The following HNF1B variants were observed in gnomAD, a reference collection of about 807,000 sequenced individuals.
The protein encoded by HNF1B is hepatocyte nuclear factor 1-beta.
A neutral mutation model predicts 61.7 loss-of-function variants in HNF1B; 8 were observed. The observed-to-expected ratio is 0.13, with a 90% CI of 0.08 to 0.23. The LOEUF (loss-of-function observed/expected upper bound fraction) is 0.23. Among genes scored for constraint, HNF1B ranks in the 10% least tolerant of loss-of-function variants. The probability of loss-of-function intolerance (pLI) is 1.00; values close to 1 mark genes in which losing one functional copy is unlikely to be tolerated. For synonymous variants in HNF1B, 314 were observed against 287.7 expected (o/e 1.09, Z -0.93); for missense variants, 562 against 714.5 (o/e 0.79, Z 2.43).
At position 37,712,885 on chromosome 17, in the gene HNF1B, A is replaced by G. The variant is rs543118751; in HGVS notation, c.1046-2222T>C. 3.3e-5 allele frequency among the ~76,000 whole-genome samples: 5 copies of G among 152,198 alleles called. No homozygotes were observed. The East Asian group carries it at 7.7e-4, about 24-fold the overall frequency. On this transcript the variant is annotated intron_variant, in intron 4 of 8. Coordinates refer to ENST00000617811, the MANE Select transcript of HNF1B (RefSeq NM_000458.4). ...GGGGAGGAAGCTGGTACAGGAATGGACCCCAAGATATTTGCCCTAAGATCC... is the reference window on the plus strand; with the variant it reads ...GGGGAGGAAGCTGGTACAGGAATGGGCCCCAAGATATTTGCCCTAAGATCC...
chr17:37,730,526 A>G (rs569769019), intron 4 of HNF1B: 1 of 152,220 alleles, frequency 6.6e-6, no homozygotes, highest in Non-Finnish European at 1.5e-5. Context: ...GCAGGCATGG[A>G]ACAAATGCTT....
chr17:37,719,374 G>A (rs1002821343), intron 4 of HNF1B, among the ~76,000 whole-genome samples: 4 of 152,154 alleles, frequency 2.6e-5, no homozygotes, highest in Admixed American at 6.5e-5. Context: ...TTGAAGAACC[G>A]AGTTTGGGGG....
chr17:37,695,438 G>C (rs1411762204), intron 8 of HNF1B, among the ~76,000 whole-genome samples: 1 of 152,250 alleles, frequency 6.6e-6, no homozygotes, highest in Non-Finnish European at 1.5e-5. Context: ...CCTCCACTAG[G>C]GCAGTGCTGA....
chr17:37,726,877 A>G (rs1206348312), intron 4 of HNF1B, among the ~76,000 whole-genome samples: 3 of 152,152 alleles, frequency 2.0e-5, no homozygotes, highest in Admixed American at 1.3e-4. Flanking sequence ...TTCCAGGAGA[A>G]TAAGTCCCCC....
At chr17:37,707,716 A>G (rs990668196) in intron 5 of HNF1B, among the ~76,000 whole-genome samples, 1 of 151,966 alleles carries the variant, frequency 6.6e-6, no homozygotes, top group African/African-American at 2.4e-5. Context: ...CCATTAGGAC[A>G]TACTGCTTGA....
At chr17:37,708,208 G>A (rs932066313) in intron 5 of HNF1B, among the ~76,000 whole-genome samples, 9 of 152,158 alleles carry the variant, frequency 5.9e-5, no homozygotes, top group South Asian at 2.1e-4. Flanking sequence ...ACCAAGATCC[G>A]TGATGGACAT....
intron 4 of HNF1B, among the ~76,000 whole-genome samples, chr17:37,716,330 T>C (rs976419351): frequency 2.0e-5 from 3 of 152,004 alleles, no homozygotes; most frequent in Admixed American, 6.6e-5. Context: ...CCTGAGTAGC[T>C]GGAACTACAG....
intron 4 of HNF1B, chr17:37,720,685 T>C: frequency 1.8e-6 from 1 of 568,750 alleles, no homozygotes; most frequent in Non-Finnish European, 2.2e-6. Flanking sequence ...GTGTCTACCA[T>C]GTGCCAGGCA....
chr17:37,742,775 C>G (rs1396538321), intron 1 of HNF1B, among the ~76,000 whole-genome samples: 5 of 151,384 alleles, frequency 3.3e-5, no homozygotes, highest in African/African-American at 1.2e-4. Context: ...TGTCGGCGAC[C>G]CGGGGGCTCC....
In HNF1B at chr17:37,728,158, C is replaced by T. The variant is rs567726770; in HGVS notation, c.1045+3437G>A. Among the ~76,000 whole-genome samples, 316 of 152,120 alleles carry T rather than the reference C, an allele frequency of 2.1e-3. 1 individual carries two copies. Among genetic ancestry groups the T allele is most frequent in the African/African-American group, 7.4e-3 (306 of 41,488 alleles). ...CTGGGATTACAGGCACCTGCCACCA[C>T]GCCCAGCTGATTTTTGTGTTTTTAG... On this transcript the variant is annotated intron_variant, in intron 4 of 8. Transcript: ENST00000617811.
intron 8 of HNF1B, among the ~76,000 whole-genome samples, chr17:37,691,077 A>G (rs1418542175): frequency 1.3e-5 from 2 of 152,220 alleles, no homozygotes; most frequent in Non-Finnish European, 2.9e-5. Flanking sequence ...CAGGAATGGT[A>G]GTATCCCAAA....
intron 8 of HNF1B, among the ~76,000 whole-genome samples, chr17:37,692,865 T>G (rs2032251849): frequency 6.6e-6 from 1 of 152,116 alleles, no homozygotes; most frequent in Non-Finnish European, 1.5e-5. Context: ...CTCCTTTGAC[T>G]GCATGTAGAC....
intron 2 of HNF1B, among the ~76,000 whole-genome samples, chr17:37,738,687 C>G (rs1445056547): frequency 6.6e-6 from 1 of 152,140 alleles, no homozygotes; most frequent in African/African-American, 2.4e-5. Context: ...TACTTCAAAA[C>G]AAAAACCTTT....
intron 2 of HNF1B, among the ~76,000 whole-genome samples, chr17:37,736,829 C>T (rs1053243071): frequency 3.3e-5 from 5 of 152,192 alleles, no homozygotes; most frequent in Admixed American, 6.5e-5. Context: ...CAGAACCATT[C>T]GGGTTCCACT....
At chr17:37,737,639 A>G (rs112280299) in intron 2 of HNF1B, among the ~76,000 whole-genome samples, 9,185 of 151,522 alleles carry the variant, frequency 0.061, 411 homozygotes, top group Middle Eastern at 0.17. Flanking sequence ...AGCCTGGCCA[A>G]CATAGTGAAA....
intron 2 of HNF1B, among the ~76,000 whole-genome samples, chr17:37,736,552 CCTAA>C (rs1178930141): frequency 6.6e-6 from 1 of 152,152 alleles, no homozygotes; most frequent in Non-Finnish European, 1.5e-5. Flanking sequence ...CTTGCAGGCT[CCTAA>C]CTACCAGCCT....
At chr17:37,717,822 A>T (rs1481707901) in intron 4 of HNF1B, among the ~76,000 whole-genome samples, 1 of 152,224 alleles carries the variant, frequency 6.6e-6, no homozygotes, top group African/African-American at 2.4e-5. Flanking sequence ...GTAGCACTGG[A>T]CTTTTGCTAG....
chr17:37,731,433 C>T (rs543701756), intron 4 of HNF1B, 162 bp downstream of exon 4: 70 of 726,212 alleles, frequency 9.6e-5, no homozygotes, highest in South Asian at 1.3e-4. Flanking sequence ...CTGATCAGAG[C>T]CACACATTAT....
Position 37,704,927 on chromosome 17 carries a change from T to C in HNF1B, c.1329A>G (p.Ala443=). 6.2e-7 allele frequency: 1 copy of C among 1,614,140 alleles called. No homozygotes were observed. The change falls in exon 6 of 9, where the codon GCA becomes GCG. Residue 443 remains alanine (A), a synonymous_variant. Transcript: ENST00000617811. ...LIMTPLSGVM[A]IAQSLNTSQA... is the part of the protein sequence containing the mutation. ...AAGAATAGAACTTACTTTGTGCAAT[T>C]GCCATGACTCCAGAGAGGGGTGTCA...
Sources: allele counts gnomAD v4.1 joint callset (sites outside exome capture counted in the v4.1 genomes callset), GRCh38; gene constraint gnomAD v4.1.1; transcripts MANE v1.5; gene names NCBI Gene and HGNC (gene_info 2026-07-23, HGNC 2026-07-21).